Variants in HPSE2 observed in about 807,000 individuals in gnomAD.
The protein encoded by HPSE2 is inactive heparanase-2.
In HPSE2, 38 loss-of-function variants were observed where a neutral mutation model predicts 60.5. The ratio of observed to expected loss-of-function variants is 0.63; its 90% confidence interval spans 0.48 to 0.82. The LOEUF is 0.82. Among genes scored for constraint, HPSE2 ranks in the 40% least tolerant of loss-of-function variants. The probability of loss-of-function intolerance (pLI) is 0.00; values close to 1 mark genes in which losing one functional copy is unlikely to be tolerated. For synonymous variants in HPSE2, 295 were observed against 293.2 expected (o/e 1.01, Z -0.06); for missense variants, 713 against 740.4 (o/e 0.96, Z 0.43).
Position 99,183,560 on chromosome 10 carries a change from C to G in HPSE2, c.449-39161G>C, listed in dbSNP as rs560058585. On this transcript the variant is annotated intron_variant, in intron 2 of 11. Transcript: ENST00000370552. ...GCCCTCCCTAATTCCTGTTTTCTTA[C>G]ACATTGTTACATTTCTTCCCTGCTA... Among the ~76,000 whole-genome samples, 152 of 152,310 alleles carry G rather than the reference C, an allele frequency of 1.0e-3. 1 individual carries two copies. The highest frequency in any genetic ancestry group is 3.5e-3 in the African/African-American group (145 of 41,570).
intron 10 of HPSE2, 81 bp downstream of exon 10, chr10:98,489,970 A>G: frequency 1.3e-6 from 2 of 1,524,940 alleles, no homozygotes; most frequent in Non-Finnish European, 1.8e-6. Context: ...TAGTGAATGG[A>G]GATGAGTCTT....
At chr10:99,212,176 A>G (rs578037807) in intron 2 of HPSE2, among the ~76,000 whole-genome samples, 17 of 152,274 alleles carry the variant, frequency 1.1e-4, no homozygotes, top group South Asian at 4.1e-4. Context: ...ACAAAAGATA[A>G]TAAGTGTTGG....
intron 3 of HPSE2, among the ~76,000 whole-genome samples, chr10:99,079,643 T>G (rs1035924163): frequency 6.6e-6 from 1 of 151,914 alleles, no homozygotes; most frequent in African/African-American, 2.4e-5. Context: ...CAGCATCCCA[T>G]AACAGGCAAA....
intron 9 of HPSE2, among the ~76,000 whole-genome samples, chr10:98,591,561 T>C (rs1475090274): frequency 1.3e-5 from 2 of 151,692 alleles, no homozygotes; most frequent in Non-Finnish European, 2.9e-5. Flanking sequence ...TACTTGGGAG[T>C]TGAGGCACGA....
intron 2 of HPSE2, among the ~76,000 whole-genome samples, chr10:99,163,915 T>C (rs1481031633): frequency 2.6e-5 from 4 of 152,096 alleles, no homozygotes; most frequent in East Asian, 3.9e-4. Context: ...TGTTTAGCTC[T>C]TATTAATGGT....
chr10:98,510,396 C>T (rs1942349677), intron 9 of HPSE2, among the ~76,000 whole-genome samples: 1 of 152,196 alleles, frequency 6.6e-6, no homozygotes. Flanking sequence ...ATCCTCTGCT[C>T]AGATCTTATC....
rs763011495 is a variant in HPSE2 at position 99,084,694 on chromosome 10, AAAAC to A, written c.610+59540_610+59543del. On this transcript the variant is annotated intron_variant, in intron 3 of 11. Transcript: ENST00000370552. ...TCTAAAAGGCAAAAACAAAAAAACA[AAAAC>A]AAAATTCTAGTAAAGCTAGGCAGAG... Among the ~76,000 whole-genome samples the A allele has an allele frequency of 4.6e-5, 7 of 152,234 alleles. No individual in the cohort carries two copies. The East Asian group carries it at 5.8e-4, about 13-fold the overall frequency.
intron 3 of HPSE2, among the ~76,000 whole-genome samples, chr10:99,040,824 C>G (rs956187027): frequency 2.6e-5 from 4 of 152,146 alleles, no homozygotes; most frequent in Admixed American, 2.0e-4. Context: ...CAGTGGCTCA[C>G]GCCTGTAATC....
At chr10:98,889,109 A>AT (rs928141097) in intron 3 of HPSE2, among the ~76,000 whole-genome samples, 1 of 151,830 alleles carries the variant, frequency 6.6e-6, no homozygotes, top group Non-Finnish European at 1.5e-5. Context: ...TTTTTTTCAG[A>AT]TTTTTTCTCT....
At chr10:99,166,426 A>G (rs1847084564) in intron 2 of HPSE2, among the ~76,000 whole-genome samples, 1 of 152,210 alleles carries the variant, frequency 6.6e-6, no homozygotes, top group African/African-American at 2.4e-5. Context: ...TCTCACCAGC[A>G]TTGTATAAGA....
At chr10:99,061,263 C>T (rs540311144) in intron 3 of HPSE2, among the ~76,000 whole-genome samples, 8 of 152,200 alleles carry the variant, frequency 5.3e-5, no homozygotes, top group African/African-American at 1.7e-4. Context: ...ACTCTAGTGT[C>T]CCATGTCCCA....
At chr10:98,943,953 T>G (rs1373803128) in intron 3 of HPSE2, among the ~76,000 whole-genome samples, 1 of 152,222 alleles carries the variant, frequency 6.6e-6, no homozygotes, top group Non-Finnish European at 1.5e-5. Context: ...GTTTGTAGTT[T>G]AAGCCACTCA....
chr10:98,520,817 G>A (rs1389309206), intron 9 of HPSE2, among the ~76,000 whole-genome samples: 4 of 152,142 alleles, frequency 2.6e-5, no homozygotes, highest in Non-Finnish European at 5.9e-5. Context: ...ACAGAACAGA[G>A]CCCTCAGAAA....
intron 3 of HPSE2, among the ~76,000 whole-genome samples, chr10:98,991,593 A>C (rs1338294205): frequency 6.6e-6 from 1 of 152,162 alleles, no homozygotes; most frequent in African/African-American, 2.4e-5. Context: ...GAGGGACATG[A>C]GAAGCCACTA....
intron 3 of HPSE2, among the ~76,000 whole-genome samples, chr10:98,920,628 C>A (rs1216602543): frequency 6.6e-6 from 1 of 152,166 alleles, no homozygotes; most frequent in African/African-American, 2.4e-5. Flanking sequence ...TAAAGACTTA[C>A]CCACCTCCCT....
At chr10:98,695,844 A>G (rs1948198003) in intron 5 of HPSE2, among the ~76,000 whole-genome samples, 2 of 152,188 alleles carry the variant, frequency 1.3e-5, no homozygotes, top group African/African-American at 4.8e-5. Context: ...CTCTTCTGGA[A>G]TTCTAAAGCC....
chr10:98,777,481 C>G (rs1367500588), intron 3 of HPSE2, among the ~76,000 whole-genome samples: 1 of 152,066 alleles, frequency 6.6e-6, no homozygotes. Context: ...AAATTGAATT[C>G]CATACTAGAG....
At chr10:99,124,485 G>A (rs935188369) in intron 3 of HPSE2, among the ~76,000 whole-genome samples, 1 of 152,104 alleles carries the variant, frequency 6.6e-6, no homozygotes, top group Non-Finnish European at 1.5e-5. Flanking sequence ...GTGCCAAGAG[G>A]TGCCTGCAGG....
At chr10:99,047,431 G>C (rs1957881537) in intron 3 of HPSE2, among the ~76,000 whole-genome samples, 1 of 152,142 alleles carries the variant, frequency 6.6e-6, no homozygotes, top group Admixed American at 6.6e-5. Context: ...TTTTGGCTAA[G>C]TCCCCAAAAG....
Sources: gnomAD v4.1 joint callset for allele counts (sites outside exome capture counted in the v4.1 genomes callset) on GRCh38, gnomAD v4.1.1 for gene constraint, MANE v1.5 for transcripts, NCBI Gene and HGNC (gene_info 2026-07-23, HGNC 2026-07-21) for gene names.